LUZP2: variants seen among roughly 807,000 people sequenced by gnomAD.
LUZP2 encodes the protein leucine zipper protein 2.
A neutral mutation model predicts 51.6 loss-of-function variants in LUZP2; 52 were observed. The observed-to-expected ratio is 1.01, with a 90% CI of 0.81 to 1.27. LUZP2 has a LOEUF of 1.27. Ranked by LOEUF, LUZP2 falls within the 50% of genes most tolerant of loss-of-function variation. The pLI is 0.00. For synonymous variants in LUZP2, 154 were observed against 137.3 expected, an observed-to-expected ratio of 1.12 and a Z score of -0.85; for missense variants, 436 against 395.4, an observed-to-expected ratio of 1.10 and a Z score of -0.87.
At chr11:24,883,539 G>T (rs1442642872) in intron 5 of LUZP2, among the ~76,000 whole-genome samples, 1 of 151,944 alleles carries the variant, frequency 6.6e-6, no homozygotes, top group Non-Finnish European at 1.5e-5. Context: ...AAACTTTATT[G>T]TTTGGCTTGA....
chr11:24,903,011 A>C (rs1392111474), intron 5 of LUZP2, among the ~76,000 whole-genome samples: 1 of 152,196 alleles, frequency 6.6e-6, no homozygotes, highest in Non-Finnish European at 1.5e-5. Context: ...TTATTAATTC[A>C]TAGTTATTTC....
At chr11:24,969,935 C>G (rs1325356529) in intron 7 of LUZP2, among the ~76,000 whole-genome samples, 1 of 152,086 alleles carries the variant, frequency 6.6e-6, no homozygotes, top group African/African-American at 2.4e-5. Context: ...CACGCATACA[C>G]TTTCTCTTTC....
chr11:24,522,072 C>A (rs954562820), intron 1 of LUZP2, among the ~76,000 whole-genome samples: 1 of 152,002 alleles, frequency 6.6e-6, no homozygotes, highest in Non-Finnish European at 1.5e-5. Context: ...AAAATGGCTA[C>A]CTTTCGTAGG....
intron 5 of LUZP2, among the ~76,000 whole-genome samples, chr11:24,857,505 A>G (rs1281854457): frequency 2.6e-5 from 4 of 151,488 alleles, no homozygotes; most frequent in Non-Finnish European, 4.4e-5. Context: ...CTTTAACCCA[A>G]ATTATGTTGC....
At chr11:24,875,401 T>G (rs1378617152) in intron 5 of LUZP2, among the ~76,000 whole-genome samples, 5 of 146,752 alleles carry the variant, frequency 3.4e-5, no homozygotes, top group Admixed American at 2.8e-4. Flanking sequence ...TGATTTCCAA[T>G]TTCATCCATG....
At chr11:24,515,028 G>T (rs1395412763) in intron 1 of LUZP2, among the ~76,000 whole-genome samples, 1 of 152,180 alleles carries the variant, frequency 6.6e-6, no homozygotes. Context: ...GCTGATTTGA[G>T]CTCTTAATGC....
intron 5 of LUZP2, among the ~76,000 whole-genome samples, chr11:24,881,900 CTATT>C (rs1852481246): frequency 1.6e-5 from 2 of 123,824 alleles, no homozygotes. Context: ...TTCTAATAAC[CTATT>C]TATTTAATGT....
intron 7 of LUZP2, among the ~76,000 whole-genome samples, chr11:24,927,596 A>G (rs1388079682): frequency 2.0e-5 from 3 of 152,134 alleles, no homozygotes; most frequent in Admixed American, 6.5e-5. Context: ...GCATTGGTCT[A>G]TATAACTATT....
intron 1 of LUZP2, among the ~76,000 whole-genome samples, chr11:24,570,371 G>T (rs552220199): frequency 2.0e-5 from 3 of 151,872 alleles, no homozygotes; most frequent in Non-Finnish European, 4.4e-5. Context: ...CATGGCTCAG[G>T]CAATTGAACA....
At chr11:24,968,444 T>C (rs1855651332) in intron 7 of LUZP2, among the ~76,000 whole-genome samples, 1 of 152,190 alleles carries the variant, frequency 6.6e-6, no homozygotes, top group South Asian at 2.1e-4. Context: ...AGTGCTTAGC[T>C]ATTAATCTAA....
At chr11:24,509,556 T>G (rs1247733279) in intron 1 of LUZP2, among the ~76,000 whole-genome samples, 3 of 149,182 alleles carry the variant, frequency 2.0e-5, no homozygotes, top group Non-Finnish European at 3.0e-5. Context: ...CATATTTTAA[T>G]AAATATATTA....
chr11:25,011,900 A>G (rs1476553782), intron 9 of LUZP2, among the ~76,000 whole-genome samples: 1 of 151,708 alleles, frequency 6.6e-6, no homozygotes, highest in East Asian at 1.9e-4. Flanking sequence ...AATTTAATAT[A>G]TATATTTTAA....
At chr11:24,560,718 T>C (rs1852012787) in intron 1 of LUZP2, among the ~76,000 whole-genome samples, 1 of 152,196 alleles carries the variant, frequency 6.6e-6, no homozygotes, top group Admixed American at 6.6e-5. Flanking sequence ...TATGCGCTTC[T>C]CAAGCATAGC....
intron 9 of LUZP2, among the ~76,000 whole-genome samples, chr11:25,018,603 CTT>C (rs755246752): frequency 1.4e-4 from 15 of 108,814 alleles, no homozygotes; most frequent in Non-Finnish European, 2.0e-4. Context: ...TTCCTTTTTC[CTT>C]TTTTTTTTTT....
intron 1 of LUZP2, among the ~76,000 whole-genome samples, chr11:24,584,794 C>G (rs901314367): frequency 6.6e-6 from 1 of 152,032 alleles, no homozygotes; most frequent in Non-Finnish European, 1.5e-5. Context: ...TTAGAGAATT[C>G]AAAACTATGA....
intron 7 of LUZP2, among the ~76,000 whole-genome samples, chr11:24,951,788 G>A (rs1590766060): frequency 6.6e-6 from 1 of 151,624 alleles, no homozygotes; most frequent in Non-Finnish European, 1.5e-5. Flanking sequence ...TGTAATAAAA[G>A]TATGTCAAAG....
intron 1 of LUZP2, among the ~76,000 whole-genome samples, chr11:24,509,754 A>G (rs1850249980): frequency 6.6e-6 from 1 of 152,008 alleles, no homozygotes; most frequent in Admixed American, 6.6e-5. Flanking sequence ...TATCCTTGAA[A>G]GTAGGCTTAT....
At chr11:25,000,249 C>G (rs1230737786) in intron 9 of LUZP2, among the ~76,000 whole-genome samples, 2 of 152,172 alleles carry the variant, frequency 1.3e-5, no homozygotes, top group Non-Finnish European at 2.9e-5. Context: ...CTCCAAGTCC[C>G]CACCTGACCC....
At chr11:24,543,573 C>A (rs994877315) in intron 1 of LUZP2, among the ~76,000 whole-genome samples, 1 of 152,000 alleles carries the variant, frequency 6.6e-6, no homozygotes, top group Non-Finnish European at 1.5e-5. Context: ...CAATGCCCAG[C>A]ACTTTGGGAG....
Sources: gnomAD v4.1 joint callset for allele counts (sites outside exome capture counted in the v4.1 genomes callset) on GRCh38, gnomAD v4.1.1 for gene constraint, MANE v1.5 for transcripts, NCBI Gene and HGNC (gene_info 2026-07-23, HGNC 2026-07-21) for gene names.